COG6: variants seen among roughly 807,000 people sequenced by gnomAD.
COG6 encodes the protein conserved oligomeric Golgi complex subunit 6.
A neutral mutation model predicts 88.8 loss-of-function variants in COG6; 74 were observed. The ratio of observed to expected loss-of-function variants is 0.83; its 90% CI spans 0.69 to 1.01. The LOEUF (loss-of-function observed/expected upper bound fraction) is 1.01. COG6 is among the 50% of genes least tolerant of loss of function. The pLI, the probability that COG6 is intolerant of heterozygous loss-of-function variation, is 0.00. For synonymous variants in COG6, 286 were observed against 278.7 expected (o/e 1.03, Z -0.26); for missense variants, 800 against 797.9 (o/e 1.00, Z -0.03).
intron 1 of COG6, chr13:39,656,153 G>GT (rs1160049677): frequency 1.6e-6 from 1 of 613,720 alleles, no homozygotes; most frequent in African/African-American, 1.8e-5. Context: ...TTGGTGAACG[G>GT]TGGTGCCTCG....
intron 13 of COG6, among the ~76,000 whole-genome samples, chr13:39,702,049 T>C (rs536525601): frequency 1.3e-5 from 2 of 152,102 alleles, no homozygotes; most frequent in Non-Finnish European, 2.9e-5. Flanking sequence ...GAATTAAAAC[T>C]TAGAGAGTAC....
At chr13:39,780,778 C>T (rs1255357040) in intron 18 of COG6, among the ~76,000 whole-genome samples, 1 of 152,104 alleles carries the variant, frequency 6.6e-6, no homozygotes, top group African/African-American at 2.4e-5. Context: ...TGAAAAAATG[C>T]CACACAAGGA....
chr13:39,688,263 T>G (rs1876782216), intron 10 of COG6, among the ~76,000 whole-genome samples: 1 of 152,202 alleles, frequency 6.6e-6, no homozygotes. Flanking sequence ...GTTTTAAAAT[T>G]TTAAGACAAT....
rs763705650 is a variant in COG6 at position 39,655,736 on chromosome 13, G to T, written c.10G>T (p.Gly4Cys). 2 of 1,595,832 alleles carry T rather than the reference G, an allele frequency of 1.3e-6. No homozygotes were observed. The highest frequency in any genetic ancestry group is 1.1e-5 in the South Asian group (1 of 88,670). MAE[G>C]SGEVVAVSAT... The stretch of plus-strand genomic sequence containing the variant: ...CGGGACGCGCAGCGCTATGGCAGAG[G>T]GCAGCGGGGAAGTGGTCGCAGTGTC... The change falls in exon 1 of 19, where the codon GGC (glycine) becomes TGC (cysteine). Residue 4 changes from glycine (G) to cysteine (C), a missense_variant. Physicochemically the swap from Gly to Cys is radical, Grantham distance 159. Transcript: ENST00000455146.
intron 18 of COG6, among the ~76,000 whole-genome samples, chr13:39,745,994 A>G (rs1419975638): frequency 1.3e-5 from 2 of 152,090 alleles, no homozygotes; most frequent in African/African-American, 2.4e-5. Context: ...CAGAAAACCA[A>G]ACACCACGTG....
chr13:39,711,369 G>A (rs1279934066), intron 13 of COG6, among the ~76,000 whole-genome samples: 1 of 152,132 alleles, frequency 6.6e-6, no homozygotes, highest in Non-Finnish European at 1.5e-5. Context: ...AAGAGCTACA[G>A]CATCCTCTCT....
At chr13:39,764,510 C>A (rs377691732) in intron 18 of COG6, among the ~76,000 whole-genome samples, 1 of 151,496 alleles carries the variant, frequency 6.6e-6, no homozygotes, top group South Asian at 2.1e-4. Flanking sequence ...TTAATGTGTT[C>A]ATCTGTGTTT....
downstream of COG6, among the ~76,000 whole-genome samples, chr13:39,757,467 CAAAG>C (rs574530026): frequency 2.0e-4 from 30 of 150,618 alleles, no homozygotes; most frequent in African/African-American, 6.6e-4. Flanking sequence ...ATAACAGAGA[CAAAG>C]AAAATGGAGA....
In COG6 at chr13:39,719,706, C is replaced by G. The variant is rs1300172513; in HGVS notation, c.1463C>G (p.Ser488Ter). Reference sequence around the variant, plus strand: ...CCTCTCCTACAGATGTGTACTGTATCAGCCAGCAATTTAGGCACAGCTGAC... The same window carrying G: ...CCTCTCCTACAGATGTGTACTGTATGAGCCAGCAATTTAGGCACAGCTGAC... ...LDPLLQMCTV[S>*]ASNLGTADMA... Residue 488 changes from serine (S) to a stop codon, truncating the protein, a stop_gained, in exon 15 of 19, where the codon TCA becomes TGA. Transcript: ENST00000455146. LOFTEE classifies it high-confidence loss of function. 6.2e-7 allele frequency: 1 copy of G among 1,612,772 alleles called. No individual in the cohort carries two copies. Among genetic ancestry groups the G allele is most frequent in the Admixed American group, 1.7e-5 (1 of 59,914 alleles).
chr13:39,739,582 A>G lies in COG6; in HGVS notation c.1827-11364A>G, dbSNP rs576167047. ...CCATTGCATCAAGAGAGGAAACACT[A>G]TAGCCAAAGCATACAAAGAAAAATC... On this transcript the variant is annotated intron_variant, in intron 18 of 18. Coordinates refer to ENST00000455146, the MANE Select transcript of COG6 (RefSeq NM_020751.3). Among the ~76,000 whole-genome samples, 4 of 152,262 alleles carry G rather than the reference A, an allele frequency of 2.6e-5. No homozygotes were observed. The South Asian group carries it at 6.2e-4, about 24-fold the overall frequency.
chr13:39,757,268 T>C (rs531665251), downstream of COG6, among the ~76,000 whole-genome samples: 2 of 152,130 alleles, frequency 1.3e-5, no homozygotes, highest in South Asian at 4.2e-4. Flanking sequence ...AACTAGAAAA[T>C]ACTCTGAGAT....
chr13:39,769,535 C>T (rs902719994), intron 18 of COG6, among the ~76,000 whole-genome samples: 1 of 152,188 alleles, frequency 6.6e-6, no homozygotes, highest in African/African-American at 2.4e-5. Context: ...CTAAAATAAT[C>T]TGTGCAAAGC....
chr13:39,758,256 G>A (rs889282897), intron 18 of COG6, among the ~76,000 whole-genome samples: 3 of 145,832 alleles, frequency 2.1e-5, no homozygotes, highest in Admixed American at 6.9e-5. Flanking sequence ...CGAGCTGGAC[G>A]CGGTGGCTCA....
chr13:39,744,832 C>T (rs575972528), intron 18 of COG6, among the ~76,000 whole-genome samples: 10 of 152,276 alleles, frequency 6.6e-5, no homozygotes, highest in Admixed American at 3.9e-4. Flanking sequence ...GGAGGCATCA[C>T]GCTACCTGAC....
intron 12 of COG6, 147 bp from the exon 13 acceptor site, chr13:39,699,354 A>G (rs1401129631): frequency 3.7e-6 from 2 of 544,784 alleles, no homozygotes; most frequent in East Asian, 3.1e-5. Flanking sequence ...TTTTTAAAAT[A>G]TGAAACTAGA....
At chr13:39,706,677 A>G (rs1225648276) in intron 13 of COG6, among the ~76,000 whole-genome samples, 1 of 152,088 alleles carries the variant, frequency 6.6e-6, no homozygotes, top group African/African-American at 2.4e-5. Flanking sequence ...TTTTTTTAAA[A>G]AAATTATTGA....
chr13:39,745,875 C>T lies in COG6; in HGVS notation c.1827-5071C>T, dbSNP rs137885283. ...TAGACTGGATTAAGAAAATGTGGCA[C>T]ATATACACCATAGAATACTATGCAG... On this transcript the variant is annotated intron_variant, in intron 18 of 18. Coordinates refer to ENST00000455146, the MANE Select transcript of COG6 (RefSeq NM_020751.3). Among the ~76,000 whole-genome samples the T allele has an allele frequency of 7.6e-3, 1,163 of 152,224 alleles. 16 individuals carry two copies. The highest frequency in any genetic ancestry group is 0.027 in the African/African-American group (1,111 of 41,532).
chr13:39,685,622 A>G (rs955569354), intron 8 of COG6, among the ~76,000 whole-genome samples: 3 of 152,140 alleles, frequency 2.0e-5, no homozygotes, highest in African/African-American at 7.2e-5. Context: ...AGGATTAGCT[A>G]TATATACTTA....
intron 13 of COG6, among the ~76,000 whole-genome samples, chr13:39,702,572 A>G (rs76339295): frequency 0.063 from 9,610 of 152,146 alleles, 394 homozygotes; most frequent in Non-Finnish European, 0.094. Flanking sequence ...TTCCTTAACC[A>G]TATAAAGAGA....
Sources: allele counts gnomAD v4.1 joint callset (sites outside exome capture counted in the v4.1 genomes callset), GRCh38; gene constraint gnomAD v4.1.1; transcripts MANE v1.5; gene names NCBI Gene and HGNC (gene_info 2026-07-23, HGNC 2026-07-21).